Variants in PLCH1 observed in about 807,000 individuals in gnomAD.
The protein encoded by PLCH1 is 1-phosphatidylinositol 4,5-bisphosphate phosphodiesterase eta-1.
A neutral mutation model predicts 126.7 loss-of-function variants in PLCH1; 60 were observed. The observed-to-expected ratio is 0.47, with a 90% CI of 0.38 to 0.59. The LOEUF (loss-of-function observed/expected upper bound fraction) is 0.59, where lower values mean the gene tolerates loss of function less well. PLCH1 is among the 20% of genes least tolerant of loss of function. PLCH1 has a pLI of 0.00. For synonymous variants in PLCH1, 719 were observed against 734.9 expected, an observed-to-expected ratio of 0.98 and a Z score of 0.35; for missense variants, 1,723 against 2,040.0, an observed-to-expected ratio of 0.84 and a Z score of 2.99.
At chr3:155,702,856 C>A (rs1272182778) in intron 2 of PLCH1, among the ~76,000 whole-genome samples, 1 of 152,214 alleles carries the variant, frequency 6.6e-6, no homozygotes, top group African/African-American at 2.4e-5. Flanking sequence ...AGAGATAAAG[C>A]AATGAACAGG....
At chr3:155,557,444 A>C (rs954389740) in intron 8 of PLCH1, among the ~76,000 whole-genome samples, 1 of 152,176 alleles carries the variant, frequency 6.6e-6, no homozygotes, top group African/African-American at 2.4e-5. Flanking sequence ...TCATGAAAGA[A>C]GGCACTCTTT....
At chr3:155,519,500 A>T (rs1168853388) in intron 11 of PLCH1, among the ~76,000 whole-genome samples, 2 of 152,072 alleles carry the variant, frequency 1.3e-5, no homozygotes, top group Non-Finnish European at 2.9e-5. Context: ...CCAAACCACA[A>T]CCATCATTCC....
intron 2 of PLCH1, among the ~76,000 whole-genome samples, chr3:155,611,425 G>A (rs1322776312): frequency 6.6e-6 from 1 of 151,864 alleles, no homozygotes; most frequent in Non-Finnish European, 1.5e-5. Context: ...AAAACAAAAA[G>A]GAATGTTAAA....
chr3:155,666,893 GGTGTGTGTGTGTGTGT>G (rs3220185), intron 2 of PLCH1, among the ~76,000 whole-genome samples: 74 of 148,752 alleles, frequency 5.0e-4, no homozygotes, highest in Middle Eastern at 3.4e-3. Context: ...ACACAGATGA[GGTGTGTGTGTGTGTGT>G]GTGTGTGTGT....
intron 6 of PLCH1, among the ~76,000 whole-genome samples, chr3:155,580,486 A>C (rs2108581246): frequency 1.3e-5 from 2 of 152,300 alleles, no homozygotes; most frequent in South Asian, 4.1e-4. Flanking sequence ...AGCAGCATTT[A>C]CTAGCTCAAA....
intron 1 of PLCH1, among the ~76,000 whole-genome samples, chr3:155,726,549 G>A (rs888340156): frequency 2.6e-5 from 4 of 152,038 alleles, no homozygotes; most frequent in Admixed American, 2.6e-4. Context: ...TACTCTGTCT[G>A]GAATTCATAT....
At chr3:155,593,465 A>T (rs536770233) in intron 4 of PLCH1, among the ~76,000 whole-genome samples, 114 of 152,378 alleles carry the variant, frequency 7.5e-4, no homozygotes, top group South Asian at 1.4e-3. Context: ...GTAAGTTAGA[A>T]AGAGAAAAAG....
intron 1 of PLCH1, among the ~76,000 whole-genome samples, chr3:155,728,727 A>G (rs1185245202): frequency 2.0e-5 from 3 of 152,180 alleles, no homozygotes; most frequent in East Asian, 3.8e-4. Flanking sequence ...CCCTATTCTC[A>G]TATCAGGATG....
chr3:155,589,049 A>C (rs1731756216), intron 4 of PLCH1, among the ~76,000 whole-genome samples: 1 of 152,192 alleles, frequency 6.6e-6, no homozygotes, highest in Admixed American at 6.5e-5. Flanking sequence ...GCCACACCAT[A>C]ATAATTTTAA....
intron 2 of PLCH1, among the ~76,000 whole-genome samples, chr3:155,670,734 C>A (rs964627397): frequency 6.6e-6 from 1 of 152,118 alleles, no homozygotes. Flanking sequence ...ACTTTTACAT[C>A]ACCCATATAC....
intron 2 of PLCH1, among the ~76,000 whole-genome samples, chr3:155,620,051 A>G (rs1736268885): frequency 6.6e-6 from 1 of 152,246 alleles, no homozygotes; most frequent in African/African-American, 2.4e-5. Flanking sequence ...TATTTATGGC[A>G]TTTTGATTGG....
At chr3:155,686,447 A>C (rs1015744634) in intron 2 of PLCH1, among the ~76,000 whole-genome samples, 3 of 152,242 alleles carry the variant, frequency 2.0e-5, no homozygotes, top group African/African-American at 7.2e-5. Flanking sequence ...TTGTTATGGC[A>C]GTGCTTGGGA....
At chr3:155,591,836 C>G (rs1238337491) in intron 4 of PLCH1, among the ~76,000 whole-genome samples, 1 of 152,120 alleles carries the variant, frequency 6.6e-6, no homozygotes, top group South Asian at 2.1e-4. Flanking sequence ...ACCTGAGTAG[C>G]CGGCACTACA....
rs538428000 is a variant in PLCH1, at chr3:155,462,799, G to T, written c.2938+22557C>A. On this transcript the variant is annotated intron_variant, in intron 21 of 21. Coordinates refer to the PLCH1 transcript ENST00000494598. Reference sequence around the variant, plus strand: ...ACTGTCACTGACACCATACACTGAGGAGTCCCCACATGCAGCCCCAGCTGG... The same window carrying T: ...ACTGTCACTGACACCATACACTGAGTAGTCCCCACATGCAGCCCCAGCTGG... 4.3e-4 allele frequency among the ~76,000 whole-genome samples: 66 copies of T among 152,242 alleles called. No homozygotes were observed. In the South Asian group the frequency reaches 0.013, roughly 30 times the overall value.
At chr3:155,674,086 G>A (rs906199289) in intron 2 of PLCH1, among the ~76,000 whole-genome samples, 2 of 152,042 alleles carry the variant, frequency 1.3e-5, no homozygotes, top group African/African-American at 4.8e-5. Flanking sequence ...TTGAGGTTCA[G>A]AGACACAACA....
At chr3:155,547,185 A>G (rs2108434016) in intron 10 of PLCH1, among the ~76,000 whole-genome samples, 1 of 147,886 alleles carries the variant, frequency 6.8e-6, no homozygotes, top group South Asian at 2.2e-4. Context: ...ACTCAAACAA[A>G]TTTACAAGAA....
At chr3:155,452,659 T>C (rs1712338708) in intron 21 of PLCH1, among the ~76,000 whole-genome samples, 1 of 152,172 alleles carries the variant, frequency 6.6e-6, no homozygotes, top group Admixed American at 6.5e-5. Context: ...GCTGGGTGAC[T>C]ATGTATATAA....
chr3:155,549,939 T>C lies in PLCH1; in HGVS notation c.1210A>G (p.Ile404Val), dbSNP rs1437459492. 8 of 1,613,820 alleles carry C rather than the reference T, an allele frequency of 5.0e-6. No individual in the cohort carries two copies. Among genetic ancestry groups the C allele is most frequent in the South Asian group, 2.2e-5 (2 of 91,042 alleles). Reference protein sequence around the residue: ...VKNEFPVILSIENHCSIQQQR... With the variant: ...VKNEFPVILSVENHCSIQQQR... Reference sequence around the variant, plus strand: ...TGCTGGATACTGCAGTGATTCTCGATAGACAATATAACAGGAAACCTGAGA... The same window carrying C: ...TGCTGGATACTGCAGTGATTCTCGACAGACAATATAACAGGAAACCTGAGA... Residue 404 changes from isoleucine to valine, a missense_variant, in exon 10 of 23, where the codon ATC becomes GTC. Around this residue, in one of 2 missense-constraint regions of PLCH1, gnomAD observed 776 missense variants for 1,062.9 expected, o/e 0.73. Coordinates refer to ENST00000460012, the MANE Select transcript of PLCH1 (RefSeq NM_014996.4).
intron 10 of PLCH1, among the ~76,000 whole-genome samples, chr3:155,545,623 A>T (rs1024547593): frequency 6.6e-6 from 1 of 152,232 alleles, no homozygotes; most frequent in African/African-American, 2.4e-5. Context: ...GATGAACATC[A>T]ATGCAAAAAT....
Sources: gnomAD v4.1 joint callset for allele counts (sites outside exome capture counted in the v4.1 genomes callset) on GRCh38, gnomAD v4.1.1 for gene constraint, gnomAD v4.1.1 regional missense constraint, MANE v1.5 for transcripts, NCBI Gene and HGNC (gene_info 2026-07-23, HGNC 2026-07-21) for gene names.